Variants in GABARAPL2 observed in about 807,000 individuals in gnomAD.
The protein encoded by GABARAPL2 is GABA type A receptor associated protein like 2, also known as gamma-aminobutyric acid receptor-associated protein-like 2.
A neutral mutation model predicts 16.9 loss-of-function variants in GABARAPL2; 11 were observed. That is an observed-to-expected ratio of 0.65 (90% CI 0.41 to 1.08). The LOEUF is 1.08. Ranked by LOEUF, GABARAPL2 falls within the 50% of genes least tolerant of loss-of-function variation. GABARAPL2 has a pLI of 0.00. For missense variants in GABARAPL2, 134 were observed against 142.5 expected, an observed-to-expected ratio of 0.94 and a Z score of 0.30; for synonymous variants, 57 against 50.7, an observed-to-expected ratio of 1.12 and a Z score of -0.53.
intron 3 of GABARAPL2, chr16:75,576,127 A>C (rs2080947994): frequency 6.6e-6 from 1 of 152,156 alleles, no homozygotes; most frequent in Admixed American, 6.5e-5. Context: ...CACCGTTTTT[A>C]TTGTACAAGA....
At chr16:75,572,186 G>A (rs1017584875) in intron 3 of GABARAPL2, 1 of 152,128 alleles carries the variant, frequency 6.6e-6, no homozygotes, top group African/African-American at 2.4e-5. Context: ...ACAACAACCA[G>A]TGGTTAATCT....
chr16:75,573,229 T>G (rs1396416612), intron 3 of GABARAPL2, among the ~76,000 whole-genome samples: 1 of 152,256 alleles, frequency 6.6e-6, no homozygotes, highest in Non-Finnish European at 1.5e-5. Flanking sequence ...TCCCTGCACT[T>G]CCATTTGCAT....
At chr16:75,571,827 C>T (rs891124971) in intron 3 of GABARAPL2, among the ~76,000 whole-genome samples, 1 of 151,792 alleles carries the variant, frequency 6.6e-6, no homozygotes, top group Non-Finnish European at 1.5e-5. Flanking sequence ...AGGCGACTGC[C>T]ACCACGCCCG....
chr16:75,566,704 T>TG, intron 1 of GABARAPL2, 148 bp from the exon 2 acceptor site: 5 of 965,518 alleles, frequency 5.2e-6, no homozygotes, highest in Non-Finnish European at 8.0e-6. Flanking sequence ...CGGGCCTTGC[T>TG]GGGAGCTAGT....
At chr16:75,566,765 A>G (rs1157809458) in intron 1 of GABARAPL2, 87 bp from the exon 2 acceptor site, 13 of 1,293,442 alleles carry the variant, frequency 1.0e-5, no homozygotes, top group African/African-American at 2.9e-5. Flanking sequence ...CCTGGGTTGT[A>G]CGCAGGGCGC....
rs991076349 is a variant in GABARAPL2, at chr16:75,566,854, C to T, written c.37C>T (p.His13Tyr). Residue 13 changes from histidine to tyrosine, a missense_variant and splice_region_variant, in exon 2 of 4, where the codon CAC (histidine) becomes TAC (tyrosine). Physicochemically the swap from His to Tyr is moderately conservative, Grantham distance 83. Transcript: ENST00000037243. ...WMFKEDHSLE[H>Y]RCVESAKIRA... The stretch of plus-strand genomic sequence containing the variant: ...AGCCCCGTTTGTTTCTCCCACAGAA[C>T]ACAGATGCGTGGAGTCCGCGAAGAT... 6.2e-7 allele frequency: 1 copy of T among 1,613,190 alleles called. No homozygotes were observed. Among genetic ancestry groups the T allele is most frequent in the Non-Finnish European group, 8.5e-7 (1 of 1,179,772 alleles).
intron 3 of GABARAPL2, among the ~76,000 whole-genome samples, chr16:75,575,239 C>T (rs1391221594): frequency 6.6e-6 from 1 of 151,828 alleles, no homozygotes; most frequent in Non-Finnish European, 1.5e-5. Context: ...ATGCAAGCCA[C>T]ATATGTAATT....
intron 1 of GABARAPL2, 35 bp downstream of exon 1, chr16:75,566,555 C>T: frequency 6.2e-7 from 1 of 1,603,788 alleles, no homozygotes; most frequent in East Asian, 2.3e-5. Context: ...CTGCTGGGGG[C>T]TGGGGCGGCG....
chr16:75,566,727 C>T (rs2080885343), intron 1 of GABARAPL2, 125 bp from the exon 2 acceptor site: 1 of 1,040,366 alleles, frequency 9.6e-7, no homozygotes. Flanking sequence ...GGGACAGGAC[C>T]GCGGCCCCGG....
chr16:75,576,550 T>C (rs2080950788), intron 3 of GABARAPL2: 1 of 152,246 alleles, frequency 6.6e-6, no homozygotes. Flanking sequence ...GCACTTCCTC[T>C]CATCTCAGAG....
At chr16:75,567,569 A>G (rs1285383187) in intron 2 of GABARAPL2, among the ~76,000 whole-genome samples, 1 of 152,226 alleles carries the variant, frequency 6.6e-6, no homozygotes, top group Non-Finnish European at 1.5e-5. Flanking sequence ...ACTTGTTCAG[A>G]GAGGAGCAAC....
At chr16:75,569,768 T>A (rs1430575770) in intron 3 of GABARAPL2, among the ~76,000 whole-genome samples, 1 of 152,202 alleles carries the variant, frequency 6.6e-6, no homozygotes, top group Non-Finnish European at 1.5e-5. Flanking sequence ...ACAGGTCTTA[T>A]CAACTTCCCC....
chr16:75,575,010 C>G (rs543400412), intron 3 of GABARAPL2, among the ~76,000 whole-genome samples: 1 of 152,164 alleles, frequency 6.6e-6, no homozygotes, highest in African/African-American at 2.4e-5. Context: ...CCAGCCCAAG[C>G]GACAGAGCAA....
chr16:75,567,074 C>T (rs113358738), intron 2 of GABARAPL2, among the ~76,000 whole-genome samples, 167 bp downstream of exon 2: 1 of 152,192 alleles, frequency 6.6e-6, no homozygotes, highest in African/African-American at 2.4e-5. Context: ...GTGAGGGGCT[C>T]GGGCTGGTGC....
intron 2 of GABARAPL2, 51 bp from the exon 3 acceptor site, chr16:75,567,986 C>G (rs757319789): frequency 1.4e-6 from 2 of 1,461,014 alleles, no homozygotes; most frequent in African/African-American, 1.4e-5. Context: ...CCATGTGAGG[C>G]CAGAGCCTCG....
At chr16:75,571,509 G>C (rs1207460307) in intron 3 of GABARAPL2, among the ~76,000 whole-genome samples, 1 of 152,120 alleles carries the variant, frequency 6.6e-6, no homozygotes, top group African/African-American at 2.4e-5. Flanking sequence ...GATTATACCA[G>C]TAACCCAAGT....
At chr16:75,574,021 C>T (rs2080931930) in intron 3 of GABARAPL2, among the ~76,000 whole-genome samples, 1 of 152,196 alleles carries the variant, frequency 6.6e-6, no homozygotes, top group Non-Finnish European at 1.5e-5. Flanking sequence ...TACTAGGGCA[C>T]TGCTTAAACA....
At chr16:75,569,910 A>C (rs1188839800) in intron 3 of GABARAPL2, among the ~76,000 whole-genome samples, 2 of 152,174 alleles carry the variant, frequency 1.3e-5, no homozygotes, top group African/African-American at 4.8e-5. Context: ...TCAACCCTAA[A>C]GCAGATTACA....
At chr16:75,567,381 C>T (rs2080890370) in intron 2 of GABARAPL2, among the ~76,000 whole-genome samples, 1 of 152,216 alleles carries the variant, frequency 6.6e-6, no homozygotes, top group Non-Finnish European at 1.5e-5. Flanking sequence ...CCGCTGAAAA[C>T]CCCTTCTGCC....
Sources: allele counts gnomAD v4.1 joint callset (sites outside exome capture counted in the v4.1 genomes callset), GRCh38; gene constraint gnomAD v4.1.1; transcripts MANE v1.5; gene names NCBI Gene and HGNC (gene_info 2026-07-23, HGNC 2026-07-21).